Variants in GLIS3 observed in about 807,000 individuals in gnomAD.
GLIS3 encodes the protein zinc finger protein GLIS3.
Under a neutral mutation model 78.6 loss-of-function variants are expected in GLIS3, and 53 were observed. That is an observed-to-expected ratio of 0.67 (90% CI 0.54 to 0.85). The LOEUF is 0.85. GLIS3 is among the 40% of genes least tolerant of loss of function. The pLI is 0.00. For missense variants in GLIS3, 1,703 were observed against 1,231.1 expected (o/e 1.38, Z -5.74); for synonymous variants, 684 against 509.9 (o/e 1.34, Z -4.60).
At position 4,286,311 on chromosome 9, in the gene GLIS3, C is replaced by T. The variant is rs776417277; in HGVS notation, c.115G>A (p.Gly39Ser). 1 of 1,614,158 alleles carries T rather than the reference C, an allele frequency of 6.2e-7. No homozygotes were observed. The highest frequency in any genetic ancestry group is 8.5e-7 in the Non-Finnish European group (1 of 1,180,000). The change falls in exon 2 of 11, where the codon GGC becomes AGC. Residue 39 changes from glycine (G) to serine (S), a missense_variant. By Grantham distance (56) the Gly-to-Ser change is moderately conservative. Coordinates refer to ENST00000381971, the MANE Select transcript of GLIS3 (RefSeq NM_001042413.2). ...GATGTGCTGCCACAGGGCGAGGGGC[C>T]AGGAGTCCCGGAGTGGGCTCGGATG... ...PAIRAHSGTP[G>S]PSPCGSTSSP... is the part of the protein sequence containing the mutation.
At chr9:4,034,549 G>C (rs1356811716) in intron 4 of GLIS3, 4 of 152,170 alleles carry the variant, frequency 2.6e-5, no homozygotes, top group African/African-American at 7.2e-5. Flanking sequence ...CTTTGGTCGT[G>C]TTGGCTGTCC....
chr9:3,868,763 C>T (rs1276352989), intron 8 of GLIS3, among the ~76,000 whole-genome samples: 2 of 152,178 alleles, frequency 1.3e-5, no homozygotes, highest in Non-Finnish European at 2.9e-5. Context: ...AGGTTACTCC[C>T]TAATTTCTAC....
chr9:4,411,614 A>C, the GLIS3 span, among the ~76,000 whole-genome samples: 4 of 152,098 alleles, frequency 2.6e-5, no homozygotes, highest in East Asian at 5.8e-4. Context: ...CTTCCATTTG[A>C]CCTAATTTTT....
chr9:4,442,614 T>C, the GLIS3 span, among the ~76,000 whole-genome samples: 1 of 152,024 alleles, frequency 6.6e-6, no homozygotes, highest in African/African-American at 2.4e-5. Flanking sequence ...TTCATAAATT[T>C]TATGCCTCCT....
intron 4 of GLIS3, among the ~76,000 whole-genome samples, chr9:3,947,693 T>G (rs972016737): frequency 6.6e-6 from 1 of 152,232 alleles, no homozygotes; most frequent in African/African-American, 2.4e-5. Context: ...AGATGCCAAA[T>G]TTTTAATGGC....
the GLIS3 span, among the ~76,000 whole-genome samples, chr9:4,381,436 T>C: frequency 1.3e-5 from 2 of 152,178 alleles, no homozygotes; most frequent in Admixed American, 1.3e-4. Flanking sequence ...ATCTGATATA[T>C]AATAAGCACC....
intron 2 of GLIS3, among the ~76,000 whole-genome samples, chr9:4,134,078 C>G (rs1833208138): frequency 6.6e-6 from 1 of 152,104 alleles, no homozygotes; most frequent in Non-Finnish European, 1.5e-5. Context: ...CAAAACGTGG[C>G]AAGAAAGACT....
chr9:4,097,670 A>T (rs1830064264), intron 4 of GLIS3, among the ~76,000 whole-genome samples: 1 of 152,250 alleles, frequency 6.6e-6, no homozygotes, highest in African/African-American at 2.4e-5. Flanking sequence ...AACCATCGGT[A>T]TGTGCAGTGC....
intron 8 of GLIS3, among the ~76,000 whole-genome samples, chr9:3,859,395 ACACACAT>A: frequency 1.3e-5 from 1 of 77,122 alleles, no homozygotes; most frequent in Admixed American, 1.4e-4. Context: ...ACACACACAC[ACACACAT>A]CAAAATGAAT....
At chr9:4,121,721 A>G (rs1832205171) in intron 3 of GLIS3, among the ~76,000 whole-genome samples, 1 of 152,048 alleles carries the variant, frequency 6.6e-6, no homozygotes, top group South Asian at 2.1e-4. Flanking sequence ...GACCTACTGG[A>G]TCATACACAT....
intron 2 of GLIS3, among the ~76,000 whole-genome samples, chr9:4,187,904 C>G (rs10814868): frequency 6.6e-6 from 1 of 151,214 alleles, no homozygotes; most frequent in Non-Finnish European, 1.5e-5. Context: ...GGGCGGAGAC[C>G]ATGGGGTTTT....
chr9:4,086,943 C>T (rs61580319), intron 4 of GLIS3, among the ~76,000 whole-genome samples: 1 of 152,146 alleles, frequency 6.6e-6, no homozygotes, highest in African/African-American at 2.4e-5. Context: ...ACCTTGAACC[C>T]GTAGACGGCA....
intron 2 of GLIS3, chr9:4,310,558 G>A (rs12336107): frequency 0.37 from 56,500 of 152,066 alleles, 12,451 homozygotes; most frequent in African/African-American, 0.62. Flanking sequence ...ATTAGTTTCA[G>A]TGCCGAATCA....
At chr9:3,834,813 G>A (rs1451040584) in intron 9 of GLIS3, among the ~76,000 whole-genome samples, 2 of 152,146 alleles carry the variant, frequency 1.3e-5, no homozygotes, top group Non-Finnish European at 2.9e-5. Flanking sequence ...CCCTCAAGAA[G>A]CTGAGGAATG....
chr9:3,998,291 T>C (rs1179796403), intron 4 of GLIS3, among the ~76,000 whole-genome samples: 1 of 152,180 alleles, frequency 6.6e-6, no homozygotes, highest in Non-Finnish European at 1.5e-5. Context: ...AATGTGTATA[T>C]TGTTAATGAG....
chr9:4,201,401 T>C (rs2131264438), intron 2 of GLIS3, among the ~76,000 whole-genome samples: 1 of 152,332 alleles, frequency 6.6e-6, no homozygotes, highest in South Asian at 2.1e-4. Flanking sequence ...CTGTCCCGTC[T>C]TTGTGGAAAA....
intron 4 of GLIS3, among the ~76,000 whole-genome samples, chr9:4,117,445 T>G (rs1028770417): frequency 6.6e-6 from 1 of 152,252 alleles, no homozygotes; most frequent in Non-Finnish European, 1.5e-5. Flanking sequence ...ATCTGTGTCC[T>G]TCTGCTCTTG....
At chr9:4,137,560 C>T (rs1033621189) in intron 2 of GLIS3, among the ~76,000 whole-genome samples, 5 of 142,002 alleles carry the variant, frequency 3.5e-5, no homozygotes, top group African/African-American at 1.4e-4. Context: ...CTCAATCTTG[C>T]TCCCCACCAC....
chr9:4,246,806 C>T (rs1215401935), intron 2 of GLIS3, among the ~76,000 whole-genome samples: 1 of 152,172 alleles, frequency 6.6e-6, no homozygotes, highest in Non-Finnish European at 1.5e-5. Flanking sequence ...TTCTTTTGGA[C>T]CCCTGACATA....
Sources: allele counts gnomAD v4.1 joint callset (sites outside exome capture counted in the v4.1 genomes callset), GRCh38; gene constraint gnomAD v4.1.1; transcripts MANE v1.5; gene names NCBI Gene and HGNC (gene_info 2026-07-23, HGNC 2026-07-21).